Variants in CSMD2 observed in about 807,000 individuals in gnomAD.
The protein encoded by CSMD2 is CUB and sushi domain-containing protein 2.
CSMD2 carries 130 observed loss-of-function variants against 398.5 expected under a neutral mutation model. That is an observed-to-expected ratio of 0.33 (90% CI 0.28 to 0.38). The LOEUF (loss-of-function observed/expected upper bound fraction) is 0.38, where lower values mean the gene tolerates loss of function less well. Ranked by LOEUF, CSMD2 falls within the 10% of genes least tolerant of loss-of-function variation. The probability of loss-of-function intolerance (pLI) is 1.00; values close to 1 mark genes in which losing one functional copy is unlikely to be tolerated. For synonymous variants in CSMD2, 1,828 were observed against 1,908.5 expected, an observed-to-expected ratio of 0.96 and a Z score of 1.10; for missense variants, 3,829 against 4,764.9, an observed-to-expected ratio of 0.80 and a Z score of 5.78.
At chr1:34,091,221 T>C (rs1423313329) in intron 1 of CSMD2, among the ~76,000 whole-genome samples, 1 of 152,230 alleles carries the variant, frequency 6.6e-6, no homozygotes, top group African/African-American at 2.4e-5. Context: ...CATGTGAGTT[T>C]GCCCATCTTT....
intron 5 of CSMD2, among the ~76,000 whole-genome samples, chr1:33,904,226 G>A (rs1416743124): frequency 1.3e-5 from 2 of 152,180 alleles, no homozygotes; most frequent in African/African-American, 2.4e-5. Flanking sequence ...CAAGGCCCCC[G>A]AGCAGCCCAA....
intron 25 of CSMD2, among the ~76,000 whole-genome samples, chr1:33,681,964 TCAAA>T (rs757644489): frequency 1.3e-5 from 2 of 152,126 alleles, no homozygotes; most frequent in Non-Finnish European, 2.9e-5. Context: ...AGACTCCAAA[TCAAA>T]CAAACAAACA....
intron 52 of CSMD2, 70 bp downstream of exon 52, chr1:33,569,304 C>T (rs1225897767): frequency 6.8e-7 from 1 of 1,466,736 alleles, no homozygotes; most frequent in African/African-American, 1.4e-5. Context: ...GACTGGATCT[C>T]AGCTTTGGAA....
intron 1 of CSMD2, among the ~76,000 whole-genome samples, chr1:34,143,257 C>T (rs114396298): frequency 2.6e-5 from 4 of 152,250 alleles, no homozygotes; most frequent in African/African-American, 9.6e-5. Flanking sequence ...TGCCTGTCCA[C>T]CCAGAGCAGC....
intron 53 of CSMD2, among the ~76,000 whole-genome samples, chr1:33,566,336 A>T (rs1659057674): frequency 6.6e-6 from 1 of 151,902 alleles, no homozygotes; most frequent in Non-Finnish European, 1.5e-5. Context: ...ATAACCTATA[A>T]GAAAAATAGA....
At chr1:34,123,530 G>GC (rs1159116846) in intron 1 of CSMD2, among the ~76,000 whole-genome samples, 5 of 151,936 alleles carry the variant, frequency 3.3e-5, no homozygotes, top group African/African-American at 4.8e-5. Context: ...AAAGGGGGGG[G>GC]GTTGTGGGAA....
chr1:33,709,583 A>G (rs1166386537), intron 21 of CSMD2: 2 of 427,508 alleles, frequency 4.7e-6, no homozygotes, highest in East Asian at 3.5e-5. Context: ...CCACATACCT[A>G]TTCATATAGT....
intron 13 of CSMD2, among the ~76,000 whole-genome samples, chr1:33,746,236 G>C (rs922565059): frequency 6.6e-6 from 1 of 152,178 alleles, no homozygotes; most frequent in African/African-American, 2.4e-5. Flanking sequence ...CTCCAGCTTT[G>C]TGGGAGTTCA....
At chr1:33,872,235 A>G (rs1038061090) in intron 5 of CSMD2, among the ~76,000 whole-genome samples, 1 of 152,184 alleles carries the variant, frequency 6.6e-6, no homozygotes, top group Admixed American at 6.5e-5. Flanking sequence ...TGTTGAAAAT[A>G]ATTTCTTCTT....
intron 5 of CSMD2, among the ~76,000 whole-genome samples, chr1:33,853,444 A>G (rs953097428): frequency 6.6e-6 from 1 of 152,244 alleles, no homozygotes; most frequent in African/African-American, 2.4e-5. Flanking sequence ...TCATGGAATC[A>G]TTCCAAAGCA....
intron 3 of CSMD2, among the ~76,000 whole-genome samples, chr1:33,967,711 T>C (rs77590545): frequency 6.6e-6 from 1 of 152,100 alleles, no homozygotes; most frequent in African/African-American, 2.4e-5. Flanking sequence ...CCAATAGGTT[T>C]GGGGGGCCTC....
At chr1:34,076,890 T>C (rs1390688872) in intron 2 of CSMD2, among the ~76,000 whole-genome samples, 25 of 113,242 alleles carry the variant, frequency 2.2e-4, no homozygotes, top group African/African-American at 8.8e-4. Context: ...TTCCACTGTA[T>C]GGCTCTGTTA....
intron 25 of CSMD2, among the ~76,000 whole-genome samples, chr1:33,679,875 G>A (rs181189777): frequency 6.6e-6 from 1 of 151,534 alleles, no homozygotes; most frequent in Admixed American, 6.6e-5. Context: ...TCATATGAAA[G>A]CATTCCCTGT....
At chr1:34,112,064 A>G (rs1264850132) in intron 1 of CSMD2, among the ~76,000 whole-genome samples, 2 of 152,018 alleles carry the variant, frequency 1.3e-5, no homozygotes, top group Non-Finnish European at 2.9e-5. Context: ...TGAGGGAAAA[A>G]TATATCTGAG....
chr1:33,965,775 A>G (rs1645534619), intron 3 of CSMD2, among the ~76,000 whole-genome samples: 1 of 152,202 alleles, frequency 6.6e-6, no homozygotes, highest in South Asian at 2.1e-4. Context: ...GCATAATACC[A>G]TGCATAGGTT....
At chr1:33,558,616 T>C (rs984951272) in intron 54 of CSMD2, among the ~76,000 whole-genome samples, 6 of 152,198 alleles carry the variant, frequency 3.9e-5, no homozygotes, top group African/African-American at 1.4e-4. Flanking sequence ...TGATAAGCCT[T>C]TAAGGATTTT....
intron 66 of CSMD2, among the ~76,000 whole-genome samples, chr1:33,523,979 T>C (rs929726212): frequency 2.0e-5 from 3 of 152,364 alleles, no homozygotes; most frequent in Non-Finnish European, 2.9e-5. Flanking sequence ...TTTCTGATTA[T>C]AGAAAGATTG....
At chr1:33,819,221 C>A (rs547660388) in intron 9 of CSMD2, among the ~76,000 whole-genome samples, 3 of 152,228 alleles carry the variant, frequency 2.0e-5, no homozygotes, top group East Asian at 3.9e-4. Flanking sequence ...CCCTGGGGAA[C>A]AAAACACCCA....
At chr1:34,153,178 G>A (rs1190902888) in intron 1 of CSMD2, among the ~76,000 whole-genome samples, 5 of 152,116 alleles carry the variant, frequency 3.3e-5, no homozygotes, top group South Asian at 4.2e-4. Context: ...CAACGTGCCC[G>A]GCTGATTTTT....
Sources: gnomAD v4.1 joint callset for allele counts (sites outside exome capture counted in the v4.1 genomes callset) on GRCh38, gnomAD v4.1.1 for gene constraint, MANE v1.5 for transcripts, NCBI Gene and HGNC (gene_info 2026-07-23, HGNC 2026-07-21) for gene names.